Variants in TENM3 observed in about 807,000 individuals in gnomAD.
The protein encoded by TENM3 is teneurin transmembrane protein 3, also known as teneurin-3.
In TENM3, 63 loss-of-function variants were observed where a neutral mutation model predicts 255.1. The observed-to-expected ratio is 0.25, with a 90% CI of 0.20 to 0.30. TENM3 has a LOEUF of 0.30. TENM3 is among the 10% of genes least tolerant of loss of function. The pLI is 1.00. For missense variants in TENM3, 2,929 were observed against 3,461.1 expected (o/e 0.85, Z 3.86); for synonymous variants, 1,306 against 1,322.3 (o/e 0.99, Z 0.27).
chr4:181,672,559 G>T, the TENM3 span, among the ~76,000 whole-genome samples: 1 of 152,130 alleles, frequency 6.6e-6, no homozygotes, highest in Admixed American at 6.5e-5. Flanking sequence ...AAGTAATTTA[G>T]CCCAGCTTCC....
chr4:181,626,389 A>G, the TENM3 span, among the ~76,000 whole-genome samples: 2 of 152,202 alleles, frequency 1.3e-5, no homozygotes, highest in African/African-American at 2.4e-5. Flanking sequence ...ACTAATTTAT[A>G]TAAGAAAATT....
chr4:182,651,180 G>A (rs1753248080), intron 5 of TENM3, among the ~76,000 whole-genome samples: 1 of 151,976 alleles, frequency 6.6e-6, no homozygotes, highest in Admixed American at 6.6e-5. Flanking sequence ...GCCAGAGTGT[G>A]TCTGTCAAAC....
intron 3 of TENM3, among the ~76,000 whole-genome samples, chr4:182,408,816 G>A (rs1042511598): frequency 7.2e-5 from 11 of 152,170 alleles, no homozygotes; most frequent in African/African-American, 9.7e-5. Flanking sequence ...TGTTATTTGC[G>A]ATGCACACTC....
the TENM3 span, among the ~76,000 whole-genome samples, chr4:182,072,115 C>G: frequency 6.6e-6 from 1 of 152,190 alleles, no homozygotes; most frequent in African/African-American, 2.4e-5. Context: ...GTTGTCTTGT[C>G]TTTCTACCTT....
At chr4:182,346,993 C>CGA in intron 3 of TENM3, 64 bp downstream of exon 3, 2 of 1,045,614 alleles carry the variant, frequency 1.9e-6, no homozygotes, top group Non-Finnish European at 2.5e-6. Context: ...TGGTTGACTC[C>CGA]GCGGGGGGGG....
At chr4:181,599,557 A>C in the TENM3 span, among the ~76,000 whole-genome samples, 2 of 152,196 alleles carry the variant, frequency 1.3e-5, no homozygotes, top group Non-Finnish European at 2.9e-5. Flanking sequence ...TGTTACCTAC[A>C]CAACTGCATT....
chr4:182,717,448 C>G (rs1759293685), intron 13 of TENM3, among the ~76,000 whole-genome samples: 1 of 152,162 alleles, frequency 6.6e-6, no homozygotes, highest in East Asian at 1.9e-4. Context: ...CTTTTCAGAG[C>G]TAAGGGCAAT....
chr4:182,207,986 G>A (rs1242430431), intron 1 of TENM3, among the ~76,000 whole-genome samples: 1 of 152,190 alleles, frequency 6.6e-6, no homozygotes, highest in Non-Finnish European at 1.5e-5. Context: ...TGTCCTTGAA[G>A]TCGTGTGTTT....
chr4:182,385,059 G>A (rs1045545170), intron 3 of TENM3, among the ~76,000 whole-genome samples: 17 of 152,008 alleles, frequency 1.1e-4, no homozygotes, highest in African/African-American at 3.6e-4. Context: ...TCATTTTTAC[G>A]TAGATGACGG....
At chr4:181,673,229 C>T in the TENM3 span, among the ~76,000 whole-genome samples, 5 of 137,374 alleles carry the variant, frequency 3.6e-5, no homozygotes, top group African/African-American at 2.9e-5. Context: ...TCAGTAGTGT[C>T]GCAAACATAT....
At chr4:182,244,280 AAC>A in intron 1 of TENM3, among the ~76,000 whole-genome samples, 1 of 152,160 alleles carries the variant, frequency 6.6e-6, no homozygotes, top group Non-Finnish European at 1.5e-5. Flanking sequence ...TAAAACATAT[AAC>A]CCAGGGTATT....
Position 182,775,075 on chromosome 4 carries a change from C to T in TENM3, c.5226C>T (p.Asn1742=), listed in dbSNP as rs925931010. 3.1e-6 allele frequency: 5 copies of T among 1,613,976 alleles called. No homozygotes were observed. Among genetic ancestry groups the T allele is most frequent in the South Asian group, 2.2e-5 (2 of 91,084 alleles). Residue 1742 remains asparagine, a synonymous_variant, in exon 24 of 28, where the codon AAC becomes AAT. Transcript: ENST00000511685. ...AKRNMTLPGE[N]GQNLVEWRFR... ...GAAACATGACTTTGCCTGGCGAGAA[C>T]GGTCAAAACTTGGTGGAATGGAGAT... is the stretch of plus-strand genomic sequence containing the variant.
intron 15 of TENM3, among the ~76,000 whole-genome samples, 196 bp from the exon 16 acceptor site, chr4:182,730,682 C>T (rs900000845): frequency 6.6e-6 from 1 of 152,144 alleles, no homozygotes; most frequent in African/African-American, 2.4e-5. Flanking sequence ...AATTGGTGAA[C>T]TTGGTGAATA....
chr4:181,826,212 T>C, the TENM3 span, among the ~76,000 whole-genome samples: 1 of 152,180 alleles, frequency 6.6e-6, no homozygotes, highest in Non-Finnish European at 1.5e-5. Flanking sequence ...AGTGGATTAC[T>C]AAGTTAACCT....
intron 13 of TENM3, among the ~76,000 whole-genome samples, chr4:182,718,781 T>G (rs1759414536): frequency 6.6e-6 from 1 of 152,204 alleles, no homozygotes; most frequent in Non-Finnish European, 1.5e-5. Flanking sequence ...CCATATACTT[T>G]TAAAAGCATC....
the TENM3 span, among the ~76,000 whole-genome samples, chr4:182,012,982 T>C: frequency 1.3e-5 from 2 of 152,040 alleles, no homozygotes; most frequent in Non-Finnish European, 2.9e-5. Flanking sequence ...TTTAGTCACC[T>C]CAGCCTCTCA....
intron 22 of TENM3, among the ~76,000 whole-genome samples, chr4:182,757,538 G>A (rs1762833176): frequency 6.6e-6 from 1 of 152,088 alleles, no homozygotes; most frequent in South Asian, 2.1e-4. Flanking sequence ...AGATACAGTG[G>A]TTTGCTTATG....
intron 3 of TENM3, among the ~76,000 whole-genome samples, chr4:182,473,227 A>G (rs1454926758): frequency 1.3e-5 from 2 of 152,228 alleles, no homozygotes. Flanking sequence ...ATATATTTGG[A>G]AAATGTCTAT....
intron 5 of TENM3, among the ~76,000 whole-genome samples, chr4:182,645,374 A>G (rs1752652332): frequency 6.6e-6 from 1 of 152,124 alleles, no homozygotes; most frequent in South Asian, 2.1e-4. Flanking sequence ...TGATATTATA[A>G]AAGTGGTTAA....
Sources: gnomAD v4.1 joint callset for allele counts (sites outside exome capture counted in the v4.1 genomes callset) on GRCh38, gnomAD v4.1.1 for gene constraint, MANE v1.5 for transcripts, NCBI Gene and HGNC (gene_info 2026-07-23, HGNC 2026-07-21) for gene names.